Variants in DISC1 observed in about 807,000 individuals in gnomAD.
The protein encoded by DISC1 is disrupted in schizophrenia 1 protein.
In DISC1, 57 loss-of-function variants were observed where a neutral mutation model predicts 84.5. The ratio of observed to expected loss-of-function variants is 0.67; its 90% CI spans 0.55 to 0.84. DISC1 has a LOEUF of 0.84. DISC1 is among the 40% of genes least tolerant of loss of function. DISC1 has a pLI of 0.00. For synonymous variants in DISC1, 411 were observed against 415.2 expected (o/e 0.99, Z 0.12); for missense variants, 1,000 against 1,057.8 (o/e 0.95, Z 0.76).
At chr1:231,661,998 C>T (rs376153666) in intron 1 of DISC1, among the ~76,000 whole-genome samples, 46 of 152,260 alleles carry the variant, frequency 3.0e-4, no homozygotes, top group Admixed American at 8.5e-4. Flanking sequence ...GCCACTCTAC[C>T]GTAGGGCTGC....
intron 11 of DISC1, among the ~76,000 whole-genome samples, chr1:232,017,904 C>T (rs1378808880): frequency 1.3e-5 from 2 of 152,204 alleles, no homozygotes; most frequent in African/African-American, 2.4e-5. Context: ...TAGCCCCTCC[C>T]TTTAGAATAA....
intron 3 of DISC1, among the ~76,000 whole-genome samples, chr1:231,710,892 C>T (rs1290651151): frequency 1.3e-5 from 2 of 152,072 alleles, no homozygotes; most frequent in Non-Finnish European, 2.9e-5. Flanking sequence ...ATAATTTAGC[C>T]CAAAACAGGA....
rs60818301 is a variant in DISC1, at chr1:231,756,516, CGAGAGAGAGAGAGAGAGAGAGA to C, written c.1268+6467_1268+6488del. 3.1e-4 allele frequency among the ~76,000 whole-genome samples: 41 copies of C among 133,534 alleles called. No homozygotes were observed. In the South Asian group the frequency reaches 3.5e-3, roughly 11 times the overall value. 87.6% of individuals were successfully genotyped at this position (133,534 alleles called of 152,430 possible). A position where few individuals can be genotyped will look rare whatever the true frequency, so the allele number is the denominator to read the frequency against. ...GGTTCACAAACGTATATGTGAATAT[CGAGAGAGAGAGAGAGAGAGAGA>C]GAGAGAGAGAGAGAGAGAGAGAGAG... On this transcript the variant is annotated intron_variant, in intron 4 of 12. Transcript: ENST00000439617.
chr1:231,841,653 A>AT (rs1489601426), intron 9 of DISC1, among the ~76,000 whole-genome samples: 1 of 152,208 alleles, frequency 6.6e-6, no homozygotes, highest in Admixed American at 6.5e-5. Flanking sequence ...TCAAGGAACT[A>AT]TTACCTTCCT....
At chr1:231,802,118 C>T (rs537677438) in intron 8 of DISC1, among the ~76,000 whole-genome samples, 1 of 152,084 alleles carries the variant, frequency 6.6e-6, no homozygotes, top group South Asian at 2.1e-4. Flanking sequence ...GGTCTTTTGT[C>T]TCTCTTCAAG....
chr1:231,649,593 T>G (rs903572662), intron 1 of DISC1, among the ~76,000 whole-genome samples: 1 of 152,176 alleles, frequency 6.6e-6, no homozygotes, highest in Non-Finnish European at 1.5e-5. Context: ...CAGAGCTGAG[T>G]TGAAGTCCTG....
At chr1:231,721,253 A>G (rs1193216002) in intron 3 of DISC1, among the ~76,000 whole-genome samples, 1 of 152,212 alleles carries the variant, frequency 6.6e-6, no homozygotes, top group East Asian at 1.9e-4. Flanking sequence ...AGTATTGTGG[A>G]TAATGTTATC....
intron 11 of DISC1, among the ~76,000 whole-genome samples, chr1:232,016,730 A>G (rs1169739881): frequency 6.6e-6 from 1 of 152,220 alleles, no homozygotes; most frequent in East Asian, 1.9e-4. Flanking sequence ...TCTCCGAGCC[A>G]CCTTCAAAAC....
At chr1:231,962,126 A>T (rs1472939940) in intron 10 of DISC1, among the ~76,000 whole-genome samples, 1 of 152,172 alleles carries the variant, frequency 6.6e-6, no homozygotes. Flanking sequence ...TTCTCTGATG[A>T]TTAATGATGT....
intron 9 of DISC1, among the ~76,000 whole-genome samples, chr1:231,844,735 G>A (rs1254148153): frequency 1.3e-5 from 2 of 151,804 alleles, no homozygotes; most frequent in Admixed American, 1.3e-4. Flanking sequence ...GACCATCCTG[G>A]CTAACACGTG....
chr1:231,875,513 C>A (rs1281164751), intron 9 of DISC1, among the ~76,000 whole-genome samples: 2 of 152,298 alleles, frequency 1.3e-5, no homozygotes, highest in East Asian at 3.9e-4. Context: ...TTGGGCAATT[C>A]ACTTCCCTGG....
chr1:231,899,433 T>C (rs1313691154), intron 9 of DISC1, among the ~76,000 whole-genome samples: 1 of 152,190 alleles, frequency 6.6e-6, no homozygotes, highest in Non-Finnish European at 1.5e-5. Context: ...TTCCAGGTTC[T>C]ATACATTGGC....
intron 3 of DISC1, among the ~76,000 whole-genome samples, chr1:231,731,321 A>G (rs1224994416): frequency 2.0e-5 from 3 of 152,250 alleles, no homozygotes; most frequent in Non-Finnish European, 4.4e-5. Context: ...CTGCAGCTTA[A>G]AGGCAGTTCT....
intron 9 of DISC1, among the ~76,000 whole-genome samples, chr1:231,863,678 T>C (rs752242882): frequency 6.6e-6 from 1 of 152,238 alleles, no homozygotes; most frequent in Non-Finnish European, 1.5e-5. Context: ...TTGCAACTTC[T>C]TTCCAATATC....
chr1:231,690,881 TGG>T (rs1256152400), intron 1 of DISC1, among the ~76,000 whole-genome samples: 1 of 152,152 alleles, frequency 6.6e-6, no homozygotes, highest in Non-Finnish European at 1.5e-5. Flanking sequence ...GGAAGGCCAG[TGG>T]CCAGGGGATG....
intron 9 of DISC1, among the ~76,000 whole-genome samples, chr1:231,840,329 T>A (rs927711422): frequency 6.6e-6 from 1 of 152,166 alleles, no homozygotes; most frequent in African/African-American, 2.4e-5. Context: ...GAAATAAAAA[T>A]TTATATCCCA....
chr1:231,809,911 A>G (rs1272091982), intron 8 of DISC1, among the ~76,000 whole-genome samples: 2 of 152,216 alleles, frequency 1.3e-5, no homozygotes, highest in African/African-American at 4.8e-5. Flanking sequence ...GACCATGTCA[A>G]TTGTCAAACA....
intron 1 of DISC1, among the ~76,000 whole-genome samples, chr1:231,642,168 CCGGGGCCGG>C (rs1180052166): frequency 8.5e-5 from 13 of 152,180 alleles, no homozygotes; most frequent in Admixed American, 2.0e-4. Context: ...CCTTCACTGC[CCGGGGCCGG>C]CGGGGCCGGC....
intron 9 of DISC1, among the ~76,000 whole-genome samples, chr1:231,886,835 C>G (rs1271708092): frequency 9.2e-5 from 9 of 97,964 alleles, no homozygotes; most frequent in African/African-American, 3.5e-4. Context: ...TTCTTTCTTT[C>G]CTTCTTTCTT....
Sources: allele counts gnomAD v4.1 joint callset (sites outside exome capture counted in the v4.1 genomes callset), GRCh38; gene constraint gnomAD v4.1.1; transcripts MANE v1.5; gene names NCBI Gene and HGNC (gene_info 2026-07-23, HGNC 2026-07-21).